BLTP3B: variants seen among roughly 807,000 people sequenced by gnomAD.
The protein encoded by BLTP3B is bridge-like lipid transfer protein family member 3B, also known as UHRF1 (ICBP90) binding protein 1-like.
chr12:100,082,049 T>C, the BLTP3B span, among the ~76,000 whole-genome samples: 1 of 152,334 alleles, frequency 6.6e-6, no homozygotes, highest in East Asian at 1.9e-4. Context: ...AGCATTCCCT[T>C]TTCTCCACAA....
the BLTP3B span, among the ~76,000 whole-genome samples, chr12:100,127,773 G>C: frequency 6.6e-6 from 1 of 152,130 alleles, no homozygotes; most frequent in Non-Finnish European, 1.5e-5. Context: ...AGCACTTTGG[G>C]AGGCCTAGGT....
At chr12:100,113,565 G>A in the BLTP3B span, among the ~76,000 whole-genome samples, 1 of 152,138 alleles carries the variant, frequency 6.6e-6, no homozygotes, top group Non-Finnish European at 1.5e-5. Context: ...AATAGTACCT[G>A]CCTCACAGAG....
At chr12:100,048,754 G>C in the BLTP3B span, among the ~76,000 whole-genome samples, 5 of 135,714 alleles carry the variant, frequency 3.7e-5, no homozygotes, top group Admixed American at 8.0e-5. Context: ...GAGAGAGAGA[G>C]AGAGAGAGTG....
the BLTP3B span, chr12:100,048,125 C>G: frequency 6.2e-7 from 1 of 1,611,174 alleles, no homozygotes; most frequent in Middle Eastern, 1.7e-4. Context: ...ATTACAGCAC[C>G]AGGCCCACTT....
At chr12:100,097,706 T>C in the BLTP3B span, among the ~76,000 whole-genome samples, 19 of 152,338 alleles carry the variant, frequency 1.2e-4, no homozygotes, top group Non-Finnish European at 2.2e-4. Flanking sequence ...ATTCATCATA[T>C]GTAAAGCTGT....
chr12:100,137,320 A>G, the BLTP3B span, among the ~76,000 whole-genome samples: 1 of 151,614 alleles, frequency 6.6e-6, no homozygotes, highest in Non-Finnish European at 1.5e-5. Context: ...TTCCTTATAT[A>G]TCCTCAATCT....
chr12:100,135,269 T>TTTTC, the BLTP3B span, among the ~76,000 whole-genome samples: 65 of 140,952 alleles, frequency 4.6e-4, 3 homozygotes, highest in Middle Eastern at 0.014. Flanking sequence ...GCTTTCTTTT[T>TTTTC]TTTCTTTCTT....
At chr12:100,108,254 T>G in the BLTP3B span, 2 of 994,224 alleles carry the variant, frequency 2.0e-6, no homozygotes, top group East Asian at 5.5e-5. Flanking sequence ...ATCTTTCTTT[T>G]GAAATTATAT....
the BLTP3B span, among the ~76,000 whole-genome samples, chr12:100,057,345 T>G: frequency 5.9e-5 from 9 of 152,220 alleles, no homozygotes; most frequent in Non-Finnish European, 1.0e-4. Flanking sequence ...TAAGTCTTTT[T>G]GGGGGGCTAT....
chr12:100,081,322 G>C, the BLTP3B span, among the ~76,000 whole-genome samples: 3 of 152,118 alleles, frequency 2.0e-5, no homozygotes, highest in Non-Finnish European at 4.4e-5. Flanking sequence ...TATTTCAGTG[G>C]TTCTGTGAGT....
At chr12:100,057,420 T>A in the BLTP3B span, 1 of 409,492 alleles carries the variant, frequency 2.4e-6, no homozygotes, top group Non-Finnish European at 4.1e-6. Flanking sequence ...TTACTAAATA[T>A]AAGTAGAAAT....
the BLTP3B span, among the ~76,000 whole-genome samples, chr12:100,119,288 TGAA>T: frequency 0.08 from 12,201 of 152,008 alleles, 639 homozygotes; most frequent in African/African-American, 0.13. Flanking sequence ...TGCAAGAAAT[TGAA>T]GAAGATCTAA....
the BLTP3B span, among the ~76,000 whole-genome samples, chr12:100,124,705 C>T: frequency 6.6e-6 from 1 of 151,190 alleles, no homozygotes; most frequent in Non-Finnish European, 1.5e-5. Context: ...AAGATTGCTC[C>T]ACTGCACTCT....
chr12:100,094,977 A>G, the BLTP3B span, among the ~76,000 whole-genome samples: 1 of 152,200 alleles, frequency 6.6e-6, no homozygotes, highest in South Asian at 2.1e-4. Context: ...TAATTTTATA[A>G]TATTTAGTTA....
the BLTP3B span, among the ~76,000 whole-genome samples, chr12:100,118,975 A>C: frequency 6.6e-6 from 1 of 151,866 alleles, no homozygotes; most frequent in Admixed American, 6.6e-5. Flanking sequence ...AGTGGCATGC[A>C]CCTGTAGTCC....
At chr12:100,075,160 C>T in the BLTP3B span, among the ~76,000 whole-genome samples, 4 of 151,890 alleles carry the variant, frequency 2.6e-5, no homozygotes, top group Admixed American at 6.6e-5. Context: ...TACAGGCGCG[C>T]ACCACCACGC....
chr12:100,088,639 C>A, the BLTP3B span, among the ~76,000 whole-genome samples: 13 of 152,112 alleles, frequency 8.5e-5, no homozygotes, highest in Non-Finnish European at 8.8e-5. Context: ...TCATCATCCT[C>A]CTAGAGGATC....
At chr12:100,079,733 G>T in the BLTP3B span, among the ~76,000 whole-genome samples, 1 of 152,200 alleles carries the variant, frequency 6.6e-6, no homozygotes, top group African/African-American at 2.4e-5. Context: ...ATCTCCCAGG[G>T]AATGTCAGAG....
chr12:100,037,228 T>A, the BLTP3B span: 1 of 967,242 alleles, frequency 1.0e-6, no homozygotes, highest in East Asian at 1.1e-4. Context: ...TCTTTGTAAA[T>A]AATAGTAAAT....
Sources: gnomAD v4.1 joint callset for allele counts (sites outside exome capture counted in the v4.1 genomes callset) on GRCh38, gnomAD v4.1.1 for gene constraint, MANE v1.5 for transcripts, NCBI Gene and HGNC (gene_info 2026-07-23, HGNC 2026-07-21) for gene names.